NLRP5: variants seen among roughly 807,000 people sequenced by gnomAD.
NLRP5 encodes the protein NACHT, LRR and PYD domains-containing protein 5.
In NLRP5, 93 loss-of-function variants were observed where a neutral mutation model predicts 113.1. The observed-to-expected ratio is 0.82, with a 90% confidence interval of 0.70 to 0.98. NLRP5 has a LOEUF of 0.98. Among genes scored for constraint, NLRP5 ranks in the 50% least tolerant of loss-of-function variants. The pLI, the probability that NLRP5 is intolerant of heterozygous loss-of-function variation, is 0.00. For missense variants in NLRP5, 1,808 were observed against 1,514.3 expected (o/e 1.19, Z -3.22); for synonymous variants, 751 against 600.7 (o/e 1.25, Z -3.66).
chr19:56,016,927 G>C (rs1317607554), intron 4 of NLRP5, among the ~76,000 whole-genome samples: 1 of 152,108 alleles, frequency 6.6e-6, no homozygotes, highest in Non-Finnish European at 1.5e-5. Flanking sequence ...TCCTGCCTCA[G>C]CCTCCCAAGT....
chr19:56,042,661 C>A (rs2123325601), intron 11 of NLRP5, among the ~76,000 whole-genome samples: 1 of 152,240 alleles, frequency 6.6e-6, no homozygotes. Context: ...TGAGTAAGTT[C>A]TTTAGTGGTG....
rs763882970 is a variant in NLRP5 at position 56,050,602 on chromosome 19, G to A, written c.3128+14G>A. 10 of 1,611,624 alleles carry A rather than the reference G, an allele frequency of 6.2e-6. No individual in the cohort carries two copies. Among genetic ancestry groups the A allele is most frequent in the Non-Finnish European group, 7.6e-6 (9 of 1,178,496 alleles). ...CCAGGACCTGGAGTGAGTTTCCCAT[G>A]GGCGTTGGGTCAACTCTATCATACT... On this transcript the variant is annotated intron_variant, in intron 12 of 14. Transcript: ENST00000390649.
chr19:56,037,128 A>G (rs759951144), intron 9 of NLRP5, among the ~76,000 whole-genome samples: 10 of 152,208 alleles, frequency 6.6e-5, no homozygotes, highest in Non-Finnish European at 1.2e-4. Flanking sequence ...ATGCTAAGCT[A>G]TTCGGTTAAC....
chr19:56,048,551 A>G (rs1384869440), intron 11 of NLRP5, among the ~76,000 whole-genome samples: 3 of 86,018 alleles, frequency 3.5e-5, no homozygotes, highest in South Asian at 3.3e-4. Context: ...AGGGCCCCAA[A>G]TCCCTTCTGG....
At position 56,028,240 on chromosome 19, in the gene NLRP5, C is replaced by T; in HGVS notation, c.2007C>T (p.Val669=). The T allele has an allele frequency of 6.2e-7, 1 of 1,613,900 alleles. No homozygotes were observed. ...TGAAGCAGAAGCTTCTGCACTGGGT[C>T]TCTCTGTTGGGTCAGCAGCCTAATG... The change falls in exon 7 of 15, where the codon GTC becomes GTT. Residue 669 remains valine (V), a synonymous_variant. Coordinates refer to ENST00000390649, the MANE Select transcript of NLRP5 (RefSeq NM_153447.4).
chr19:56,004,348 T>C lies in NLRP5; in HGVS notation c.442+253T>C, dbSNP rs566820511. Among the ~76,000 whole-genome samples, 10 of 152,200 alleles carry C rather than the reference T, an allele frequency of 6.6e-5. No individual in the cohort carries two copies. The East Asian group carries it at 1.9e-3, about 29-fold the overall frequency. ...GGACTTCATTGAAGTTAATAGGATT[T>C]GGGTTGTAAGTGCTAAGCTTGAGCT... On this transcript the variant is annotated intron_variant, in intron 2 of 14. Transcript: ENST00000390649.
chr19:56,024,530 CATATGT>C (rs1365755861), intron 6 of NLRP5, among the ~76,000 whole-genome samples: 13 of 52,766 alleles, frequency 2.5e-4, no homozygotes, highest in African/African-American at 5.9e-4. Flanking sequence ...TATATGTATA[CATATGT>C]ATATGTATGT....
chr19:56,028,164 A>T lies in NLRP5; in HGVS notation c.1931A>T (p.Asp644Val). The change falls in exon 7 of 15, where the codon GAC (aspartate) becomes GTC (valine). Residue 644 changes from aspartate to valine, a missense_variant. Coordinates refer to ENST00000390649, the MANE Select transcript of NLRP5 (RefSeq NM_153447.4). ...TTCTTGTTTGGCCTCGTGAGCGAAG[A>T]CGTAAGGAGGCCACTGGAGGTCCTG... 1 of 1,613,940 alleles carries T rather than the reference A, an allele frequency of 6.2e-7. No homozygotes were observed. Among genetic ancestry groups the T allele is most frequent in the Non-Finnish European group, 8.5e-7 (1 of 1,179,872 alleles).
upstream of NLRP5, among the ~76,000 whole-genome samples, chr19:55,996,986 C>G (rs1014486786): frequency 2.0e-5 from 3 of 150,736 alleles, no homozygotes; most frequent in African/African-American, 4.9e-5. Flanking sequence ...TCCACATCCT[C>G]TCTAGCACCT....
Position 56,040,919 on chromosome 19 carries a change from C to A in NLRP5, c.2787-3C>A, listed in dbSNP as rs770782357. On this transcript the variant is annotated splice_region_variant and splice_polypyrimidine_tract_variant and intron_variant, in intron 10 of 14. Coordinates refer to ENST00000390649, the MANE Select transcript of NLRP5 (RefSeq NM_153447.4). ...TGTCCTCTCTGGGGCTCTCTTCTTG[C>A]AGACTGGAGGACTGTGGCATCACAG... 2.1e-5 allele frequency: 34 copies of A among 1,612,552 alleles called. No individual in the cohort carries two copies. Among genetic ancestry groups the A allele is most frequent in the South Asian group, 3.3e-5 (3 of 90,938 alleles).
chr19:56,061,682 T>C lies in NLRP5; in HGVS notation c.*154T>C, dbSNP rs1984360953. The C allele has an allele frequency of 1.3e-5, 11 of 836,252 alleles. No individual in the cohort carries two copies. The South Asian group carries it at 1.8e-4, about 14-fold the overall frequency. 51.8% of individuals were successfully genotyped at this position (836,252 alleles called of 1,614,324 possible). A position where few individuals can be genotyped will look rare whatever the true frequency, so the allele number is the denominator to read the frequency against. ...CCTCAATGGTAGTGATTCTTCTGTG[T>C]TCACTCTACGTTGGTTACTGGATTT... On this transcript the variant is annotated 3_prime_UTR_variant, in exon 15 of 15. Transcript: ENST00000390649.
chr19:56,053,872 G>T, intron 13 of NLRP5, 64 bp downstream of exon 13: 3 of 1,506,428 alleles, frequency 2.0e-6, no homozygotes, highest in Non-Finnish European at 2.7e-6. Context: ...CCAGCATGAG[G>T]TTGCTTGAAC....
intron 5 of NLRP5, 113 bp from the exon 6 acceptor site, chr19:56,020,262 T>A: frequency 8.1e-7 from 1 of 1,237,168 alleles, no homozygotes; most frequent in Non-Finnish European, 1.2e-6. Context: ...GTGGTTGTCA[T>A]GTTTTCAACT....
chr19:56,053,705 C>T lies in NLRP5; in HGVS notation c.3196C>T (p.His1066Tyr). 6.2e-7 allele frequency: 1 copy of T among 1,613,934 alleles called. No homozygotes were observed. The highest frequency in any genetic ancestry group is 2.2e-5 in the East Asian group (1 of 44,872). ...GTCCTGTGTGATCTCGAGGAGCAGA[C>T]ACCTGAAGAGCCTGGATCTCACGGA... Residue 1066 changes from histidine (H) to tyrosine (Y), a missense_variant, in exon 13 of 15, where the codon CAC (histidine) becomes TAC (tyrosine). His to Tyr is a moderately conservative substitution (Grantham distance 83). Coordinates refer to ENST00000390649, the MANE Select transcript of NLRP5 (RefSeq NM_153447.4).
chr19:56,008,953 T>C (rs1019192320), intron 3 of NLRP5, 100 bp downstream of exon 3: 16 of 1,029,188 alleles, frequency 1.6e-5, no homozygotes, highest in African/African-American at 1.3e-4. Flanking sequence ...GATAGTCTAG[T>C]GTTCTTTCTA....
Position 56,003,719 on chromosome 19 carries a change from T to G in NLRP5, c.66T>G (p.Leu22=), listed in dbSNP as rs780053767. 5 of 1,592,082 alleles carry G rather than the reference T, an allele frequency of 3.1e-6. No individual in the cohort carries two copies. The South Asian group carries it at 5.7e-5, about 18-fold the overall frequency. Residue 22 remains leucine (L), a synonymous_variant, in exon 2 of 15, where the codon CTT becomes CTG. Transcript: ENST00000390649. ...TGCTGCAAGATCCTCTTTTAAGTCT[T>G]GTCACTCTTTCCACAGGTCCTACTT...
upstream of NLRP5, chr19:55,999,690 C>T (rs1414668824): frequency 4.0e-6 from 6 of 1,514,886 alleles, no homozygotes; most frequent in Non-Finnish European, 4.6e-6. Context: ...AGAGCCCAGC[C>T]TTCGATGTTC....
chr19:56,023,308 C>T (rs60044357), intron 6 of NLRP5, among the ~76,000 whole-genome samples: 3,350 of 152,230 alleles, frequency 0.022, 127 homozygotes, highest in African/African-American at 0.078. Flanking sequence ...GACAACAGGT[C>T]GGTCTGAGCT....
At chr19:55,997,116 T>G (rs1981350178), upstream of NLRP5, among the ~76,000 whole-genome samples, 1 of 152,224 alleles carries the variant, frequency 6.6e-6, no homozygotes. Flanking sequence ...TTGTATCTGT[T>G]GGCTATATAA....
Sources: allele counts gnomAD v4.1 joint callset (sites outside exome capture counted in the v4.1 genomes callset), GRCh38; gene constraint gnomAD v4.1.1; transcripts MANE v1.5; gene names NCBI Gene and HGNC (gene_info 2026-07-23, HGNC 2026-07-21).